CALN1: variants seen among roughly 807,000 people sequenced by gnomAD.
CALN1 encodes calneuron 1.
In CALN1, 17 loss-of-function variants were observed where a neutral mutation model predicts 30.6. The ratio of observed to expected loss-of-function variants is 0.56; its 90% CI spans 0.38 to 0.83. The LOEUF (loss-of-function observed/expected upper bound fraction) is 0.83. CALN1 is among the 40% of genes least tolerant of loss of function. The probability of loss-of-function intolerance (pLI) is 0.00; values close to 1 mark genes in which losing one functional copy is unlikely to be tolerated. For synonymous variants in CALN1, 156 were observed against 131.4 expected, an observed-to-expected ratio of 1.19 and a Z score of -1.28; for missense variants, 291 against 354.9, an observed-to-expected ratio of 0.82 and a Z score of 1.45.
At chr7:71,827,775 A>AAATAAATAAATAAAT (rs1554347604) in intron 5 of CALN1, among the ~76,000 whole-genome samples, 22 of 140,282 alleles carry the variant, frequency 1.6e-4, no homozygotes, top group African/African-American at 5.4e-4. Flanking sequence ...CCATCTTAAA[A>AAATAAATAAATAAAT]AAATAAATAA....
At chr7:72,057,122 A>G (rs1012165285) in intron 4 of CALN1, among the ~76,000 whole-genome samples, 1 of 151,880 alleles carries the variant, frequency 6.6e-6, no homozygotes, top group Non-Finnish European at 1.5e-5. Flanking sequence ...TAAAAAAAAA[A>G]AGTTTGTAGA....
At chr7:72,354,329 A>G (rs1378596951) in intron 2 of CALN1, among the ~76,000 whole-genome samples, 1 of 152,242 alleles carries the variant, frequency 6.6e-6, no homozygotes, top group Non-Finnish European at 1.5e-5. Flanking sequence ...ATGGAGACCT[A>G]TACCATGTTA....
intron 5 of CALN1, chr7:71,942,312 G>A: frequency 5.4e-6 from 1 of 185,434 alleles, no homozygotes; most frequent in Non-Finnish European, 1.2e-5. Context: ...CCGAGGTCCT[G>A]GGCAGGACCG....
At chr7:72,178,123 T>G (rs1021060028) in intron 3 of CALN1, among the ~76,000 whole-genome samples, 1 of 152,134 alleles carries the variant, frequency 6.6e-6, no homozygotes, top group Non-Finnish European at 1.5e-5. Context: ...GGGAAAAAAT[T>G]TGTAAGCAAT....
chr7:72,446,213 C>A (rs1478813973), intron 1 of CALN1, among the ~76,000 whole-genome samples: 1 of 152,166 alleles, frequency 6.6e-6, no homozygotes, highest in Non-Finnish European at 1.5e-5. Flanking sequence ...GAGCATTTCA[C>A]CCAGAAGTCA....
chr7:71,867,618 A>G lies in CALN1; in HGVS notation c.502-57126T>C, dbSNP rs562750608. Among the ~76,000 whole-genome samples the G allele has an allele frequency of 1.8e-4, 27 of 152,166 alleles. 1 individual carries two copies. Among genetic ancestry groups the G allele is most frequent in the African/African-American group, 6.5e-4 (27 of 41,542 alleles). On this transcript the variant is annotated intron_variant, in intron 5 of 6. Transcript: ENST00000395275. ...CCCAGCTAATTTTGTTATTTTTAGT[A>G]GAGACGAGGTTTCACCATGATGGCC...
intron 4 of CALN1, among the ~76,000 whole-genome samples, chr7:72,098,476 G>A (rs1462154121): frequency 6.6e-6 from 1 of 152,068 alleles, no homozygotes; most frequent in Non-Finnish European, 1.5e-5. Flanking sequence ...GGCTAAGGCT[G>A]GAGAATCCCT....
chr7:71,809,697 T>C (rs1377190715), intron 6 of CALN1, among the ~76,000 whole-genome samples: 1 of 152,066 alleles, frequency 6.6e-6, no homozygotes, highest in South Asian at 2.1e-4. Flanking sequence ...GTAGGCTCTC[T>C]TTTTTCTTTA....
At chr7:72,197,254 AGCTCACTGCAATCTCTG>A (rs1402795587) in intron 3 of CALN1, among the ~76,000 whole-genome samples, 3 of 128,174 alleles carry the variant, frequency 2.3e-5, no homozygotes, top group African/African-American at 9.0e-5. Context: ...GCACGATCTC[AGCTCACTGCAATCTCTG>A]GCTCACTGCA....
At chr7:71,813,423 C>A (rs1041163918) in intron 5 of CALN1, among the ~76,000 whole-genome samples, 11 of 152,052 alleles carry the variant, frequency 7.2e-5, no homozygotes, top group African/African-American at 2.7e-4. Context: ...CAAATCAATG[C>A]CTCTTTAAAA....
At chr7:72,328,905 C>T (rs1396995849) in intron 2 of CALN1, among the ~76,000 whole-genome samples, 2 of 152,252 alleles carry the variant, frequency 1.3e-5, no homozygotes, top group African/African-American at 4.8e-5. Context: ...CCAGGTTGGC[C>T]AGGCTGGTCT....
chr7:72,338,884 G>A (rs1437616268), intron 2 of CALN1, among the ~76,000 whole-genome samples: 1 of 151,408 alleles, frequency 6.6e-6, no homozygotes, highest in East Asian at 1.9e-4. Context: ...CAAATAATAG[G>A]TCTTATTCAT....
At chr7:71,919,830 C>G (rs189380941) in intron 5 of CALN1, among the ~76,000 whole-genome samples, 5 of 152,188 alleles carry the variant, frequency 3.3e-5, no homozygotes, top group African/African-American at 1.2e-4. Context: ...CCGCGAGGAC[C>G]TAGTTGAAGC....
chr7:72,451,447 G>A (rs1808662545), upstream of CALN1, among the ~76,000 whole-genome samples: 1 of 151,672 alleles, frequency 6.6e-6, no homozygotes, highest in African/African-American at 2.4e-5. Context: ...GGAGGAGAAG[G>A]AGAAGAAGAG....
chr7:71,995,699 C>A (rs1462835201), intron 5 of CALN1, among the ~76,000 whole-genome samples: 1 of 151,982 alleles, frequency 6.6e-6, no homozygotes, highest in Non-Finnish European at 1.5e-5. Flanking sequence ...GCTTTCCTTC[C>A]CTGGCAGGCC....
intron 3 of CALN1, among the ~76,000 whole-genome samples, chr7:72,197,813 G>T (rs1366069734): frequency 6.6e-6 from 1 of 152,122 alleles, no homozygotes. Context: ...GTATGATCAT[G>T]CCACTGCACT....
chr7:71,948,391 T>C (rs1239387075), intron 5 of CALN1, among the ~76,000 whole-genome samples: 1 of 152,168 alleles, frequency 6.6e-6, no homozygotes, highest in Non-Finnish European at 1.5e-5. Flanking sequence ...AGCCATGGCC[T>C]TCTAAGAGAG....
chr7:72,029,153 G>T (rs1444061923), intron 4 of CALN1, among the ~76,000 whole-genome samples: 3 of 151,692 alleles, frequency 2.0e-5, no homozygotes, highest in African/African-American at 7.3e-5. Flanking sequence ...TTGAGACAGA[G>T]TCTCACTCTG....
intron 3 of CALN1, among the ~76,000 whole-genome samples, chr7:72,250,424 G>T (rs1290167840): frequency 6.6e-6 from 1 of 152,194 alleles, no homozygotes; most frequent in Non-Finnish European, 1.5e-5. Flanking sequence ...GAATGAGAGT[G>T]ATGTCAGGCA....
Sources: gnomAD v4.1 joint callset for allele counts (sites outside exome capture counted in the v4.1 genomes callset) on GRCh38, gnomAD v4.1.1 for gene constraint, MANE v1.5 for transcripts, NCBI Gene and HGNC (gene_info 2026-07-23, HGNC 2026-07-21) for gene names.